Variants in EYS observed in about 807,000 individuals in gnomAD.
EYS encodes the protein EGF-like photoreceptor maintenance factor.
In EYS, 250 loss-of-function variants were observed where a neutral mutation model predicts 282.1. The observed-to-expected ratio is 0.89, with a 90% CI of 0.80 to 0.98. The LOEUF (loss-of-function observed/expected upper bound fraction) is 0.98, where lower values mean the gene tolerates loss of function less well. Ranked by LOEUF, EYS falls within the 50% of genes least tolerant of loss-of-function variation. The probability of loss-of-function intolerance (pLI) is 0.00; values close to 1 mark genes in which losing one functional copy is unlikely to be tolerated. For synonymous variants in EYS, 1,355 were observed against 1,282.9 expected (o/e 1.06, Z -1.20); for missense variants, 4,016 against 3,709.0 (o/e 1.08, Z -2.15).
chr6:65,388,182 T>C (rs1262925910), intron 7 of EYS, among the ~76,000 whole-genome samples: 1 of 151,962 alleles, frequency 6.6e-6, no homozygotes, highest in Non-Finnish European at 1.5e-5. Flanking sequence ...GATTTAAAGA[T>C]GAAAATAAGA....
At chr6:64,373,992 T>A (rs536722587) in intron 29 of EYS, among the ~76,000 whole-genome samples, 33 of 151,936 alleles carry the variant, frequency 2.2e-4, no homozygotes, top group Admixed American at 1.6e-3. Flanking sequence ...TGCCTGCCCT[T>A]CCAGGTGCTT....
At chr6:65,483,431 G>A (rs1765674385) in intron 5 of EYS, among the ~76,000 whole-genome samples, 1 of 152,034 alleles carries the variant, frequency 6.6e-6, no homozygotes, top group Admixed American at 6.6e-5. Flanking sequence ...AAATTCAAGA[G>A]CAATGAGAAC....
At chr6:64,077,712 T>A (rs528999579) in intron 32 of EYS, among the ~76,000 whole-genome samples, 2 of 152,150 alleles carry the variant, frequency 1.3e-5, no homozygotes, top group East Asian at 3.9e-4. Flanking sequence ...CAGCACAGAA[T>A]GGATCCAACT....
intron 22 of EYS, among the ~76,000 whole-genome samples, chr6:64,641,015 A>G (rs1442638174): frequency 2.0e-5 from 3 of 152,200 alleles, no homozygotes; most frequent in Non-Finnish European, 2.9e-5. Context: ...CTAACCAGGT[A>G]GGGCAGGCAG....
chr6:64,994,192 A>G (rs1277428748), intron 14 of EYS, among the ~76,000 whole-genome samples: 1 of 152,030 alleles, frequency 6.6e-6, no homozygotes, highest in Non-Finnish European at 1.5e-5. Context: ...TATATGCTAG[A>G]CTTTCAAAAG....
chr6:65,606,951 T>C (rs1472409920), intron 2 of EYS, among the ~76,000 whole-genome samples: 1 of 151,732 alleles, frequency 6.6e-6, no homozygotes, highest in East Asian at 1.9e-4. Context: ...TGGGATATAA[T>C]GTCTTAAGCA....
At position 65,086,175 on chromosome 6, in the gene EYS, G is replaced by A. The variant is rs775598498; in HGVS notation, c.2024-28448C>T. On this transcript the variant is annotated intron_variant, in intron 12 of 42. Transcript: ENST00000503581. ...TACTAAAAATACAAAAATTAGCTGGGCATAGTGGCACATGCCTATAATTCC... is the reference window on the plus strand; with the variant it reads ...TACTAAAAATACAAAAATTAGCTGGACATAGTGGCACATGCCTATAATTCC... Among the ~76,000 whole-genome samples the A allele has an allele frequency of 3.8e-4, 58 of 151,986 alleles. 1 individual carries two copies. Among genetic ancestry groups the A allele is most frequent in the Non-Finnish European group, 2.2e-4 (15 of 67,998 alleles).
At chr6:63,912,660 T>C (rs994023867) in intron 35 of EYS, among the ~76,000 whole-genome samples, 21 of 151,884 alleles carry the variant, frequency 1.4e-4, no homozygotes, top group Non-Finnish European at 2.4e-4. Flanking sequence ...CTGGTGGAGG[T>C]GGTTGGATTA....
At chr6:65,674,239 A>G (rs1328231781) in intron 1 of EYS, among the ~76,000 whole-genome samples, 1 of 151,774 alleles carries the variant, frequency 6.6e-6, no homozygotes, top group Admixed American at 6.6e-5. Flanking sequence ...AAATAATGGC[A>G]GAAAACTTCC....
intron 12 of EYS, among the ~76,000 whole-genome samples, chr6:65,214,586 A>C (rs1766264931): frequency 6.6e-6 from 1 of 152,236 alleles, no homozygotes; most frequent in Non-Finnish European, 1.5e-5. Flanking sequence ...AAGTTGTGAC[A>C]AGCTATCCAG....
At chr6:64,519,237 G>A (rs1777656841) in intron 26 of EYS, among the ~76,000 whole-genome samples, 1 of 151,592 alleles carries the variant, frequency 6.6e-6, no homozygotes, top group African/African-American at 2.4e-5. Flanking sequence ...CCAGGAGAAC[G>A]GCACCTGCGA....
At chr6:65,372,237 AT>A (rs1263319311) in intron 8 of EYS, among the ~76,000 whole-genome samples, 1 of 152,038 alleles carries the variant, frequency 6.6e-6, no homozygotes, top group African/African-American at 2.4e-5. Flanking sequence ...CTCCGATGCT[AT>A]TTTCTTTGAT....
chr6:63,806,067 A>G, intron 37 of EYS, 123 bp downstream of exon 37: 1 of 765,220 alleles, frequency 1.3e-6, no homozygotes, highest in South Asian at 2.1e-5. Context: ...GGCAGAAAAC[A>G]GGAGGAGGCT....
At chr6:64,996,417 C>A (rs141642772) in intron 14 of EYS, among the ~76,000 whole-genome samples, 287 of 152,274 alleles carry the variant, frequency 1.9e-3, no homozygotes, top group African/African-American at 6.5e-3. Context: ...GTCACGCATA[C>A]TTTTCCTCAC....
chr6:65,189,631 CA>C (rs946561160), intron 12 of EYS, among the ~76,000 whole-genome samples: 2 of 151,744 alleles, frequency 1.3e-5, no homozygotes, highest in Admixed American at 1.3e-4. Flanking sequence ...ACAATGACAG[CA>C]GCGTATACTA....
intron 1 of EYS, among the ~76,000 whole-genome samples, chr6:65,692,041 A>G (rs1489147462): frequency 2.0e-5 from 3 of 150,280 alleles, no homozygotes; most frequent in Non-Finnish European, 4.4e-5. Context: ...TCAGTGGATT[A>G]TTGGATAAAG....
intron 29 of EYS, among the ~76,000 whole-genome samples, chr6:64,315,773 C>T (rs1020648073): frequency 2.1e-4 from 32 of 151,434 alleles, no homozygotes; most frequent in African/African-American, 7.5e-4. Context: ...ACAAAAAGAA[C>T]ATTTCAGGCC....
At chr6:63,814,106 C>A (rs137952497) in intron 36 of EYS, among the ~76,000 whole-genome samples, 1 of 152,126 alleles carries the variant, frequency 6.6e-6, no homozygotes, top group African/African-American at 2.4e-5. Flanking sequence ...AAACTATGTA[C>A]GTGGTCATTG....
Position 64,172,441 on chromosome 6 carries a change from A to G in EYS, c.6424+58151T>C, listed in dbSNP as rs574254832. On this transcript the variant is annotated intron_variant, in intron 31 of 42. Transcript: ENST00000503581. ...TATTTTTTATGAGTTTGACAATTTT[A>G]GTTACCACGCGTGAGCGAAATCAAC... Among the ~76,000 whole-genome samples the G allele has an allele frequency of 1.3e-4, 20 of 152,304 alleles. No homozygotes were observed. In the South Asian group the frequency reaches 3.9e-3, roughly 30 times the overall value.
Sources: allele counts gnomAD v4.1 joint callset (sites outside exome capture counted in the v4.1 genomes callset), GRCh38; gene constraint gnomAD v4.1.1; transcripts MANE v1.5; gene names NCBI Gene and HGNC (gene_info 2026-07-23, HGNC 2026-07-21).